Variants in LPCAT2 observed in about 807,000 individuals in gnomAD.
The protein encoded by LPCAT2 is 1-AGP acyltransferase 11.
A neutral mutation model predicts 64.7 loss-of-function variants in LPCAT2; 58 were observed. That is an observed-to-expected ratio of 0.90 (90% CI 0.73 to 1.12). LPCAT2 has a LOEUF of 1.12. Among genes scored for constraint, LPCAT2 ranks in the 50% most tolerant of loss-of-function variants. The pLI, the probability that LPCAT2 is intolerant of heterozygous loss-of-function variation, is 0.00. For missense variants in LPCAT2, 579 were observed against 669.8 expected, an observed-to-expected ratio of 0.86 and a Z score of 1.50; for synonymous variants, 252 against 245.3, an observed-to-expected ratio of 1.03 and a Z score of -0.26.
At chr16:55,546,634 A>T (rs1963456882) in intron 9 of LPCAT2, among the ~76,000 whole-genome samples, 1 of 152,236 alleles carries the variant, frequency 6.6e-6, no homozygotes, top group Non-Finnish European at 1.5e-5. Context: ...TATATGTTTT[A>T]TTCTAATATA....
chr16:55,571,740 A>T (rs537097225), intron 11 of LPCAT2, among the ~76,000 whole-genome samples: 73 of 152,290 alleles, frequency 4.8e-4, no homozygotes, highest in Admixed American at 2.2e-3. Flanking sequence ...TTTAAGAATT[A>T]AAAAAATAGT....
chr16:55,518,529 G>A (rs545609040), intron 1 of LPCAT2, among the ~76,000 whole-genome samples: 2 of 152,212 alleles, frequency 1.3e-5, no homozygotes, highest in African/African-American at 2.4e-5. Context: ...TTTTCAAAAC[G>A]TACTGTGAAG....
intron 11 of LPCAT2, among the ~76,000 whole-genome samples, chr16:55,565,792 A>G (rs375037029): frequency 6.6e-6 from 1 of 152,138 alleles, no homozygotes; most frequent in African/African-American, 2.4e-5. Context: ...TGGTTTCACA[A>G]TGCAAATATA....
At chr16:55,548,555 C>G (rs1963479606) in intron 9 of LPCAT2, among the ~76,000 whole-genome samples, 1 of 152,108 alleles carries the variant, frequency 6.6e-6, no homozygotes, top group African/African-American at 2.4e-5. Flanking sequence ...TGGGGTTTCC[C>G]TCTGTCACCC....
chr16:55,569,674 T>C (rs1001574838), intron 11 of LPCAT2, among the ~76,000 whole-genome samples: 3 of 152,176 alleles, frequency 2.0e-5, no homozygotes, highest in African/African-American at 4.8e-5. Flanking sequence ...TCTTCCAGCA[T>C]GCTCATGGAA....
rs199810248 is a variant in LPCAT2, at chr16:55,528,412, G to A, written c.347G>A (p.Arg116His). The change falls in exon 3 of 14, where the codon CGT (arginine) becomes CAT (histidine). Residue 116 changes from arginine to histidine, a missense_variant. Arg to His is a conservative substitution (Grantham distance 29). Transcript: ENST00000262134. ...CAAACAGCTTTGAAATTTCTGGGTCGTGCTATGTTCTTTTCAATGGGATTT... is the reference window on the plus strand; with the variant it reads ...CAAACAGCTTTGAAATTTCTGGGTCATGCTATGTTCTTTTCAATGGGATTT... ...ITQTALKFLG[R>H]AMFFSMGFIV... is the part of the protein sequence containing the mutation. The A allele has an allele frequency of 4.0e-5, 65 of 1,613,780 alleles. No homozygotes were observed. Among genetic ancestry groups the A allele is most frequent in the East Asian group, 2.9e-4 (13 of 44,868 alleles).
At position 55,509,147 on chromosome 16, in the gene LPCAT2, G is replaced by C; in HGVS notation, c.-35G>C. Reference sequence around the variant, plus strand: ...CAGTTTTGGCTGCAGCGCCCGCGTAGATCGCTTCGGCCGGGTTCTACGCCC... The same window carrying C: ...CAGTTTTGGCTGCAGCGCCCGCGTACATCGCTTCGGCCGGGTTCTACGCCC... On this transcript the variant is annotated 5_prime_UTR_variant, in exon 1 of 14. Coordinates refer to ENST00000262134, the MANE Select transcript of LPCAT2 (RefSeq NM_017839.5). 1 of 1,306,136 alleles carries C rather than the reference G, an allele frequency of 7.7e-7. No homozygotes were observed. Among genetic ancestry groups the C allele is most frequent in the Non-Finnish European group, 9.8e-7 (1 of 1,023,484 alleles). 80.9% of individuals were successfully genotyped at this position (1,306,136 alleles called of 1,614,324 possible).
At chr16:55,560,158 A>G (rs1236133587) in intron 11 of LPCAT2, among the ~76,000 whole-genome samples, 2 of 152,158 alleles carry the variant, frequency 1.3e-5, no homozygotes, top group African/African-American at 4.8e-5. Flanking sequence ...ATTGTGTCAG[A>G]CCAATTTAAA....
chr16:55,573,728 C>G lies in LPCAT2; in HGVS notation c.1216-903C>G, dbSNP rs536155039. ...TCCTACCCTCCCTCCACCTCTTTAT[C>G]TTTTTCTAACACTTCCATCTCATTT... On this transcript the variant is annotated intron_variant, in intron 11 of 13. Coordinates refer to ENST00000262134, the MANE Select transcript of LPCAT2 (RefSeq NM_017839.5). 7.9e-5 allele frequency among the ~76,000 whole-genome samples: 12 copies of G among 152,138 alleles called. No homozygotes were observed. The South Asian group carries it at 2.5e-3, about 32-fold the overall frequency.
rs748395209 is a variant in LPCAT2, at chr16:55,586,530, A to G, written c.*3432A>G. ...TACATATTTTACTCCATCTTTTTTCAAAGTTTCTTACATTTTCCAATGTCA... is the reference window on the plus strand; with the variant it reads ...TACATATTTTACTCCATCTTTTTTCGAAGTTTCTTACATTTTCCAATGTCA... On this transcript the variant is annotated 3_prime_UTR_variant, in exon 14 of 14. Coordinates refer to ENST00000262134, the MANE Select transcript of LPCAT2 (RefSeq NM_017839.5). 3 of 126,968 alleles carry G rather than the reference A, an allele frequency of 2.4e-5. No individual in the cohort carries two copies. The highest frequency in any genetic ancestry group is 2.2e-4 in the South Asian group (1 of 4,552). 7.9% of individuals were successfully genotyped at this position (126,968 alleles called of 1,614,324 possible).
intron 11 of LPCAT2, among the ~76,000 whole-genome samples, chr16:55,558,929 T>C (rs1963605578): frequency 6.6e-6 from 1 of 152,112 alleles, no homozygotes; most frequent in African/African-American, 2.4e-5. Context: ...TTATAGTGAT[T>C]GTTATTAATT....
intron 13 of LPCAT2, among the ~76,000 whole-genome samples, chr16:55,580,943 TC>T (rs1963881934): frequency 1.3e-5 from 2 of 152,286 alleles, no homozygotes; most frequent in East Asian, 3.9e-4. Flanking sequence ...TGAAACCATC[TC>T]CCCAATCCCC....
chr16:55,523,418 C>A (rs1247989234), intron 1 of LPCAT2, among the ~76,000 whole-genome samples: 1 of 151,648 alleles, frequency 6.6e-6, no homozygotes, highest in Admixed American at 6.6e-5. Context: ...GTTAAACATG[C>A]CCTATGACCC....
chr16:55,583,421 TATAAAGTTTTAAA>T lies in LPCAT2; in HGVS notation c.*325_*337del, dbSNP rs1963909890. On this transcript the variant is annotated 3_prime_UTR_variant, in exon 14 of 14. Transcript: ENST00000262134. ...TATTGGTGAGCATTGAGCAACACTG[TATAAAGTTTTAAA>T]AATGTAAACACTTTTTAATCTACTT... is the stretch of plus-strand genomic sequence containing the variant. 1 of 173,250 alleles carries T rather than the reference TATAAAGTTTTAAA, an allele frequency of 5.8e-6. No individual in the cohort carries two copies. Among genetic ancestry groups the T allele is most frequent in the Non-Finnish European group, 1.2e-5 (1 of 81,804 alleles). 10.7% of individuals were successfully genotyped at this position (173,250 alleles called of 1,614,324 possible). A position where few individuals can be genotyped will look rare whatever the true frequency, so the allele number is the denominator to read the frequency against.
intron 11 of LPCAT2, among the ~76,000 whole-genome samples, chr16:55,563,730 G>A (rs559707364): frequency 6.6e-6 from 1 of 151,858 alleles, no homozygotes; most frequent in East Asian, 1.9e-4. Flanking sequence ...ATGAAAAGTT[G>A]ATAGCTAACA....
At chr16:55,578,924 T>A (rs1244533158) in intron 12 of LPCAT2, 185 bp from the exon 13 acceptor site, 3 of 602,202 alleles carry the variant, frequency 5.0e-6, no homozygotes, top group Non-Finnish European at 8.9e-6. Flanking sequence ...CCTGTTTTAA[T>A]CCTGTCTCTC....
At chr16:55,534,285 A>G (rs1053908702) in intron 6 of LPCAT2, among the ~76,000 whole-genome samples, 158 bp from the exon 7 acceptor site, 2 of 152,262 alleles carry the variant, frequency 1.3e-5, no homozygotes, top group East Asian at 3.9e-4. Flanking sequence ...TTCATAGATC[A>G]GTTCACTGTT....
In LPCAT2 at chr16:55,561,939, T is replaced by G. The variant is rs145851089; in HGVS notation, c.1215+10837T>G. ...AAGACAGGACATTGCTCTCATGTCC[T>G]AGACAGAGCGATGTCCCTTGGCTAC... is the stretch of plus-strand genomic sequence containing the variant. On this transcript the variant is annotated intron_variant, in intron 11 of 13. Coordinates refer to ENST00000262134, the MANE Select transcript of LPCAT2 (RefSeq NM_017839.5). Among the ~76,000 whole-genome samples the G allele has an allele frequency of 4.7e-4, 71 of 152,158 alleles. No individual in the cohort carries two copies. In the East Asian group the frequency reaches 0.012, roughly 25 times the overall value.
chr16:55,542,568 G>A (rs1405241044), intron 8 of LPCAT2, among the ~76,000 whole-genome samples: 1 of 152,020 alleles, frequency 6.6e-6, no homozygotes, highest in East Asian at 1.9e-4. Context: ...ATCAGGAGAG[G>A]TGGCTGAGGA....
Sources: allele counts gnomAD v4.1 joint callset (sites outside exome capture counted in the v4.1 genomes callset), GRCh38; gene constraint gnomAD v4.1.1; transcripts MANE v1.5; gene names NCBI Gene and HGNC (gene_info 2026-07-23, HGNC 2026-07-21).